The following KIAA0319 variants were observed in gnomAD, a reference collection of about 807,000 sequenced individuals.
KIAA0319 encodes the protein dyslexia-associated protein KIAA0319.
KIAA0319 carries 83 observed loss-of-function variants against 108.4 expected under a neutral mutation model. The observed-to-expected ratio is 0.77, with a 90% confidence interval of 0.64 to 0.92. The LOEUF (loss-of-function observed/expected upper bound fraction) is 0.92. Among genes scored for constraint, KIAA0319 ranks in the 40% least tolerant of loss-of-function variants. The pLI, the probability that KIAA0319 is intolerant of heterozygous loss-of-function variation, is 0.00. For missense variants in KIAA0319, 1,195 were observed against 1,322.4 expected (o/e 0.90, Z 1.49); for synonymous variants, 484 against 510.4 (o/e 0.95, Z 0.70).
At chr6:24,540,963 C>G (rs2760184), downstream of KIAA0319, among the ~76,000 whole-genome samples, 8,541 of 152,118 alleles carry the variant, frequency 0.056, 297 homozygotes, top group African/African-American at 0.075. Context: ...GTTTGTACAC[C>G]TCTACCTAAT....
chr6:24,565,752 CAAAAAA>C (rs71542686), intron 14 of KIAA0319, among the ~76,000 whole-genome samples: 9 of 62,716 alleles, frequency 1.4e-4, no homozygotes, highest in African/African-American at 5.3e-4. Context: ...GACTCCATCT[CAAAAAA>C]AAAAAAAAAA....
chr6:24,574,881 T>C (rs1051049382), intron 10 of KIAA0319, among the ~76,000 whole-genome samples: 4 of 152,222 alleles, frequency 2.6e-5, no homozygotes, highest in African/African-American at 9.6e-5. Flanking sequence ...AAGTATAATT[T>C]CCCAGGAGTT....
intron 1 of KIAA0319, among the ~76,000 whole-genome samples, chr6:24,635,039 G>A (rs1776020951): frequency 6.6e-6 from 1 of 152,046 alleles, no homozygotes; most frequent in Non-Finnish European, 1.5e-5. Context: ...TACCTGTGGA[G>A]CTATTTAATT....
intron 11 of KIAA0319, among the ~76,000 whole-genome samples, chr6:24,570,656 GT>G (rs1472969906): frequency 1.7e-4 from 26 of 149,086 alleles, no homozygotes; most frequent in Non-Finnish European, 3.4e-4. Flanking sequence ...GGGAAGAAGG[GT>G]TGGGGGAGGA....
intron 1 of KIAA0319, among the ~76,000 whole-genome samples, chr6:24,625,226 T>C (rs1774544623): frequency 6.6e-6 from 1 of 152,186 alleles, no homozygotes; most frequent in African/African-American, 2.4e-5. Context: ...CCCAACTTCA[T>C]ACCATATACA....
chr6:24,578,066 A>C, intron 9 of KIAA0319, 44 bp downstream of exon 9: 4 of 1,545,340 alleles, frequency 2.6e-6, no homozygotes, highest in Non-Finnish European at 3.5e-6. Context: ...AAACAGTCAA[A>C]ATGTAAGTAG....
At chr6:24,558,341 A>G (rs981447567) in intron 17 of KIAA0319, among the ~76,000 whole-genome samples, 14 of 147,950 alleles carry the variant, frequency 9.5e-5, no homozygotes, top group Admixed American at 9.0e-4. Context: ...TGAGAAAGTC[A>G]ATTGTAGATG....
intron 3 of KIAA0319, 117 bp downstream of exon 3, chr6:24,595,756 G>A (rs949187104): frequency 8.9e-5 from 101 of 1,135,802 alleles, no homozygotes; most frequent in South Asian, 5.4e-4. Context: ...GCCCTTAGGC[G>A]GAACCTCCTT....
At chr6:24,608,530 A>T (rs2127547611) in intron 1 of KIAA0319, among the ~76,000 whole-genome samples, 1 of 152,320 alleles carries the variant, frequency 6.6e-6, no homozygotes, top group South Asian at 2.1e-4. Context: ...TATTATTTTT[A>T]AAAATCATTA....
chr6:24,602,162 GC>G, intron 1 of KIAA0319, among the ~76,000 whole-genome samples: 1 of 152,100 alleles, frequency 6.6e-6, no homozygotes, highest in African/African-American at 2.4e-5. Context: ...GATTACAGGC[GC>G]ACACTACCAC....
intron 3 of KIAA0319, among the ~76,000 whole-genome samples, chr6:24,594,082 T>A (rs1768981991): frequency 6.7e-6 from 1 of 150,024 alleles, no homozygotes; most frequent in Non-Finnish European, 1.5e-5. Flanking sequence ...GCCTGTAATC[T>A]CAGCTACTCA....
intron 1 of KIAA0319, among the ~76,000 whole-genome samples, chr6:24,621,966 G>A (rs888319302): frequency 1.3e-5 from 2 of 152,184 alleles, no homozygotes; most frequent in African/African-American, 4.8e-5. Flanking sequence ...TCAAGAGACG[G>A]AGATCTACCT....
rs528864288 is a variant in KIAA0319 at position 24,593,331 on chromosome 6, C to T, written c.801+2542G>A. Among the ~76,000 whole-genome samples, 97 of 150,738 alleles carry T rather than the reference C, an allele frequency of 6.4e-4. 3 individuals are homozygous for T. The South Asian group carries it at 0.019, about 29-fold the overall frequency. On this transcript the variant is annotated intron_variant, in intron 3 of 20. Transcript: ENST00000378214. ...GTAATGAGTAGAATAAAATCTCTAACACGTGTTCATTTTATATCTAAACAA... is the reference window on the plus strand; with the variant it reads ...GTAATGAGTAGAATAAAATCTCTAATACGTGTTCATTTTATATCTAAACAA...
chr6:24,582,103 G>A (rs750656583), intron 6 of KIAA0319, 146 bp downstream of exon 6: 29 of 491,828 alleles, frequency 5.9e-5, no homozygotes, highest in Admixed American at 2.6e-4. Context: ...CTGTAATTGC[G>A]CTACTGCACT....
rs2127521924 is a variant in KIAA0319 at position 24,595,869 on chromosome 6, T to C, written c.801+4A>G. On this transcript the variant is annotated splice_donor_region_variant and intron_variant, in intron 3 of 20. Coordinates refer to ENST00000378214, the MANE Select transcript of KIAA0319 (RefSeq NM_014809.4). ...ACCCCCAAGCACATCCTGAACACACTCACCTCTTTTCCAGAGCTGTTGCTG... is the reference window on the plus strand; with the variant it reads ...ACCCCCAAGCACATCCTGAACACACCCACCTCTTTTCCAGAGCTGTTGCTG... 2 of 1,587,524 alleles carry C rather than the reference T, an allele frequency of 1.3e-6. No homozygotes were observed. Among genetic ancestry groups the C allele is most frequent in the South Asian group, 2.4e-5 (2 of 85,030 alleles).
chr6:24,541,258 A>G (rs1030972707), downstream of KIAA0319, among the ~76,000 whole-genome samples: 2 of 152,126 alleles, frequency 1.3e-5, no homozygotes, highest in African/African-American at 4.8e-5. Flanking sequence ...TGGCTTGTAG[A>G]TGGCCGCCTT....
intron 20 of KIAA0319, among the ~76,000 whole-genome samples, chr6:24,548,466 G>A (rs962919844): frequency 1.2e-4 from 19 of 152,174 alleles, no homozygotes; most frequent in African/African-American, 4.6e-4. Context: ...GTGCGCAGGT[G>A]GACATTACTT....
rs1776761129 is a variant in KIAA0319, at chr6:24,640,345, C to G, written c.-106+5391G>C. Among the ~76,000 whole-genome samples, 3 of 152,118 alleles carry G rather than the reference C, an allele frequency of 2.0e-5. No homozygotes were observed. In the South Asian group the frequency reaches 6.2e-4, roughly 32 times the overall value. On this transcript the variant is annotated intron_variant, in intron 1 of 20. Transcript: ENST00000378214. ...CAACAACATGATGTTTAAGCTCTAT[C>G]CTTAGAAATTAGCCATTTGTTGAAA...
intron 1 of KIAA0319, among the ~76,000 whole-genome samples, chr6:24,603,684 T>C (rs1291923467): frequency 6.6e-6 from 1 of 152,168 alleles, no homozygotes; most frequent in African/African-American, 2.4e-5. Flanking sequence ...CCCCGACAGA[T>C]GTCTCCAGTC....
Sources: allele counts gnomAD v4.1 joint callset (sites outside exome capture counted in the v4.1 genomes callset), GRCh38; gene constraint gnomAD v4.1.1; transcripts MANE v1.5; gene names NCBI Gene and HGNC (gene_info 2026-07-23, HGNC 2026-07-21).